IFT74: variants seen among roughly 807,000 people sequenced by gnomAD.
IFT74 encodes the protein intraflagellar transport protein 74 homolog.
A neutral mutation model predicts 96.7 loss-of-function variants in IFT74; 92 were observed. The ratio of observed to expected loss-of-function variants is 0.95; its 90% CI spans 0.80 to 1.13. IFT74 has a LOEUF of 1.13. Ranked by LOEUF, IFT74 falls within the 50% of genes most tolerant of loss-of-function variation. The probability of loss-of-function intolerance (pLI) is 0.00; values close to 1 mark genes in which losing one functional copy is unlikely to be tolerated. For missense variants in IFT74, 811 were observed against 698.2 expected, an observed-to-expected ratio of 1.16 and a Z score of -1.82; for synonymous variants, 223 against 213.2, an observed-to-expected ratio of 1.05 and a Z score of -0.40.
chr9:26,995,888 T>C lies in IFT74; in HGVS notation c.587+5693T>C, dbSNP rs73643125. On this transcript the variant is annotated intron_variant, in intron 8 of 19. Transcript: ENST00000380062. ...CCAAGAGAGGAGAGAGAAAGAAAAT[T>C]TGTTAAGTTGGCAAAATAATCATAA... 78,998 of 1,449,678 alleles carry C rather than the reference T, an allele frequency of 0.054. 2,567 individuals carry two copies. Among genetic ancestry groups the C allele is most frequent in the Middle Eastern group, 0.13 (737 of 5,530 alleles). The allele number at this position is 1,449,678 out of a possible 1,614,324, so 89.8% of individuals were successfully genotyped here.
intron 12 of IFT74, among the ~76,000 whole-genome samples, chr9:27,028,143 T>C (rs1211426592): frequency 1.3e-5 from 2 of 152,216 alleles, no homozygotes; most frequent in African/African-American, 4.8e-5. Flanking sequence ...ACAATTTTAG[T>C]CCATTGATAT....
At chr9:26,980,467 A>C in intron 3 of IFT74, 104 bp from the exon 4 acceptor site, 1 of 757,956 alleles carries the variant, frequency 1.3e-6, no homozygotes, top group South Asian at 1.4e-5. Context: ...GCATTCATGA[A>C]GACTGTCTTG....
At chr9:26,952,102 T>C (rs1462436357), upstream of IFT74, among the ~76,000 whole-genome samples, 4 of 152,196 alleles carry the variant, frequency 2.6e-5, no homozygotes, top group Non-Finnish European at 4.4e-5. Context: ...TAGTAAGCGT[T>C]TTTCTTGGCT....
chr9:26,987,190 C>T (rs879868718), intron 6 of IFT74, among the ~76,000 whole-genome samples: 2 of 151,908 alleles, frequency 1.3e-5, no homozygotes, highest in Admixed American at 6.6e-5. Context: ...GCTGGGATTA[C>T]AGGCGCTTGC....
At chr9:26,967,319 G>C (rs1826668821) in intron 2 of IFT74, among the ~76,000 whole-genome samples, 1 of 151,574 alleles carries the variant, frequency 6.6e-6, no homozygotes, top group African/African-American at 2.4e-5. Context: ...TTCACTTCTT[G>C]GGTTAATTCC....
intron 7 of IFT74, 63 bp from the exon 8 acceptor site, chr9:26,990,071 C>G (rs1827798755): frequency 6.3e-6 from 6 of 952,908 alleles, no homozygotes; most frequent in Non-Finnish European, 9.1e-6. Context: ...CCAAAATAAC[C>G]TACAAAGAAA....
intron 6 of IFT74, among the ~76,000 whole-genome samples, chr9:26,986,225 C>T (rs1373661646): frequency 6.6e-6 from 1 of 151,832 alleles, no homozygotes; most frequent in African/African-American, 2.4e-5. Context: ...TTACCTTGTG[C>T]TTATCAAAAA....
At chr9:26,997,212 C>CA (rs59898737) in intron 8 of IFT74, among the ~76,000 whole-genome samples, 223 of 138,886 alleles carry the variant, frequency 1.6e-3, no homozygotes, top group Admixed American at 2.5e-3. Flanking sequence ...AACTCTGTCT[C>CA]AAAAAAAAAA....
intron 2 of IFT74, among the ~76,000 whole-genome samples, chr9:26,975,908 C>T (rs1211064668): frequency 6.6e-6 from 1 of 152,228 alleles, no homozygotes; most frequent in Non-Finnish European, 1.5e-5. Context: ...ATGGCAGGAT[C>T]TGCCACATGA....
chr9:27,002,843 G>T (rs1369166283), intron 8 of IFT74, among the ~76,000 whole-genome samples: 3 of 151,866 alleles, frequency 2.0e-5, no homozygotes, highest in African/African-American at 7.3e-5. Flanking sequence ...ACTGTATTTT[G>T]ATAGGAATTG....
intron 10 of IFT74, among the ~76,000 whole-genome samples, chr9:27,015,865 C>T (rs1016570303): frequency 6.6e-6 from 1 of 152,118 alleles, no homozygotes; most frequent in Non-Finnish European, 1.5e-5. Flanking sequence ...TAGTATAGTG[C>T]CTGGCACAGA....
In IFT74 at chr9:26,978,196, T is replaced by G; in HGVS notation, c.189T>G (p.Ser63=). 1 of 1,613,692 alleles carries G rather than the reference T, an allele frequency of 6.2e-7. No homozygotes were observed. Among genetic ancestry groups the G allele is most frequent in the Non-Finnish European group, 8.5e-7 (1 of 1,179,886 alleles). Residue 63 remains serine (S), a synonymous_variant, in exon 3 of 20, where the codon TCT becomes TCG. Coordinates refer to ENST00000380062, the MANE Select transcript of IFT74 (RefSeq NM_025103.4). The part of the protein sequence containing the change: ...CPIGTGGVLS[S]QIKVAHRPVT... Reference sequence around the variant, plus strand: ...TAGGGACTGGTGGAGTTCTGTCTTCTCAAATCAAAGTTGCCCATCGCCCTG... The same window carrying G: ...TAGGGACTGGTGGAGTTCTGTCTTCGCAAATCAAAGTTGCCCATCGCCCTG...
At chr9:26,968,517 C>T (rs151276794) in intron 2 of IFT74, among the ~76,000 whole-genome samples, 1,936 of 152,300 alleles carry the variant, frequency 0.013, 39 homozygotes, top group African/African-American at 0.045. Context: ...ACCTCAGCCT[C>T]CCAAAGTGTT....
chr9:27,036,404 T>A lies in IFT74; in HGVS notation c.1054+7300T>A, dbSNP rs368337106. ...ATGTACTCTTTTTACCACAGCAATT[T>A]TGTAATATAGTCAATTCTTTGTACC... On this transcript the variant is annotated intron_variant, in intron 13 of 19. Transcript: ENST00000380062. 1.7e-5 allele frequency: 28 copies of A among 1,602,664 alleles called. No individual in the cohort carries two copies. The African/African-American group carries it at 2.3e-4, about 13-fold the overall frequency.
rs1229068197 is a variant in IFT74, at chr9:27,044,796, G to T, written c.1108+1G>T. The T allele has an allele frequency of 6.7e-7, 1 of 1,492,846 alleles. No homozygotes were observed. The highest frequency in any genetic ancestry group is 9.2e-7 in the Non-Finnish European group (1 of 1,085,026). 92.5% of individuals were successfully genotyped at this position (1,492,846 alleles called of 1,614,324 possible). ...AAGAAAAGGGAGGAACATATGGACA[G>T]TAAGTGATATTCTTGTAGATATAAA... On this transcript the variant is annotated splice_donor_variant, in intron 14 of 19. Coordinates refer to ENST00000380062, the MANE Select transcript of IFT74 (RefSeq NM_025103.4). LOFTEE classifies it high-confidence loss of function.
At chr9:27,043,897 T>C (rs1819583006) in intron 13 of IFT74, among the ~76,000 whole-genome samples, 1 of 152,150 alleles carries the variant, frequency 6.6e-6, no homozygotes, top group Non-Finnish European at 1.5e-5. Context: ...TCTAACTGGT[T>C]TTATTGCCTC....
chr9:27,061,751 A>G (rs1820433705), intron 19 of IFT74, among the ~76,000 whole-genome samples: 1 of 151,418 alleles, frequency 6.6e-6, no homozygotes, highest in Admixed American at 6.6e-5. Flanking sequence ...TACCTTGAAT[A>G]TCTGGGCAGC....
At chr9:26,978,042 T>TA (rs1587273265) in intron 2 of IFT74, 86 bp from the exon 3 acceptor site, 1 of 1,245,112 alleles carries the variant, frequency 8.0e-7, no homozygotes, top group Non-Finnish European at 1.1e-6. Flanking sequence ...TTTGTTTTTT[T>TA]AAAAAATTGT....
chr9:27,019,789 T>C (rs1829511809), intron 12 of IFT74, among the ~76,000 whole-genome samples: 1 of 151,960 alleles, frequency 6.6e-6, no homozygotes, highest in African/African-American at 2.4e-5. Flanking sequence ...CTCTTGTATA[T>C]ATACCTAGGA....
Sources: gnomAD v4.1 joint callset for allele counts (sites outside exome capture counted in the v4.1 genomes callset) on GRCh38, gnomAD v4.1.1 for gene constraint, MANE v1.5 for transcripts, NCBI Gene and HGNC (gene_info 2026-07-23, HGNC 2026-07-21) for gene names.